TECRL: variants seen among roughly 807,000 people sequenced by gnomAD.
TECRL encodes trans-2,3-enoyl-CoA reductase-like.
A neutral mutation model predicts 52.8 loss-of-function variants in TECRL; 63 were observed. The ratio of observed to expected loss-of-function variants is 1.19; its 90% CI spans 0.97 to 1.47. TECRL has a LOEUF of 1.47. TECRL is among the 40% of genes most tolerant of loss of function. TECRL has a pLI of 0.00. For synonymous variants in TECRL, 164 were observed against 141.9 expected (o/e 1.16, Z -1.10); for missense variants, 482 against 429.6 (o/e 1.12, Z -1.08).
intron 1 of TECRL, among the ~76,000 whole-genome samples, chr4:64,379,669 C>T (rs1722642335): frequency 6.6e-6 from 1 of 152,122 alleles, no homozygotes; most frequent in African/African-American, 2.4e-5. Context: ...ATATTATACT[C>T]TGTACCTTCA....
intron 1 of TECRL, among the ~76,000 whole-genome samples, chr4:64,398,329 C>T (rs761375356): frequency 4.6e-5 from 7 of 152,108 alleles, no homozygotes; most frequent in Non-Finnish European, 8.8e-5. Flanking sequence ...ATCTCCAATA[C>T]TGGAGATGTA....
rs1560492142 is a variant in TECRL, at chr4:64,314,593, GTGTGTGTGTGT to G, written c.551+44_551+54del. On this transcript the variant is annotated intron_variant, in intron 5 of 11. Transcript: ENST00000381210. ...TCATCCCCTCCTTAACGTGTATGGT[GTGTGTGTGTGT>G]GTGTGTGTGTGTGTGTGTGTGTGTG... 0.048 allele frequency: 12,726 copies of G among 264,294 alleles called. 419 individuals carry two copies. The highest frequency in any genetic ancestry group is 0.18 in the South Asian group (4,041 of 21,890). The allele number at this position is 264,294 out of a possible 1,614,324, so 16.4% of individuals were successfully genotyped here.
intron 4 of TECRL, among the ~76,000 whole-genome samples, chr4:64,316,297 T>A (rs1717490252): frequency 6.6e-6 from 1 of 152,100 alleles, no homozygotes; most frequent in African/African-American, 2.4e-5. Flanking sequence ...TAATCTTATC[T>A]CAATCATCTC....
intron 2 of TECRL, among the ~76,000 whole-genome samples, chr4:64,328,871 T>C (rs1001537176): frequency 2.6e-5 from 4 of 152,022 alleles, no homozygotes; most frequent in African/African-American, 4.8e-5. Context: ...CTTCAGTCTA[T>C]GTAAGTTTTT....
In TECRL at chr4:64,279,078, T is replaced by C. The variant is rs1009433933; in HGVS notation, c.*994A>G. 5.3e-5 allele frequency: 8 copies of C among 152,294 alleles called. No individual in the cohort carries two copies. The highest frequency in any genetic ancestry group is 4.6e-4 in the Admixed American group (7 of 15,268). The allele number at this position is 152,294 out of a possible 1,614,324, so 9.4% of individuals were successfully genotyped here. A position where few individuals can be genotyped will look rare whatever the true frequency, so the allele number is the denominator to read the frequency against. On this transcript the variant is annotated 3_prime_UTR_variant, in exon 12 of 12. Transcript: ENST00000381210. Reference sequence around the variant, plus strand: ...TGCTGCAGTAAACATAGGGTTCAAATGTCTCTTTAATATACAGATTTCCTT... The same window carrying C: ...TGCTGCAGTAAACATAGGGTTCAAACGTCTCTTTAATATACAGATTTCCTT...
intron 2 of TECRL, among the ~76,000 whole-genome samples, chr4:64,367,128 A>G (rs1721653042): frequency 6.6e-6 from 1 of 152,160 alleles, no homozygotes; most frequent in African/African-American, 2.4e-5. Flanking sequence ...GTAAATTAAC[A>G]TAGGAACAGA....
At chr4:64,344,250 A>C (rs1044640411) in intron 2 of TECRL, among the ~76,000 whole-genome samples, 4 of 152,028 alleles carry the variant, frequency 2.6e-5, no homozygotes, top group Non-Finnish European at 5.9e-5. Context: ...CTCTATTTAT[A>C]TCTCTATATA....
At chr4:64,297,971 G>A (rs956487685) in intron 8 of TECRL, among the ~76,000 whole-genome samples, 8 of 151,058 alleles carry the variant, frequency 5.3e-5, no homozygotes, top group Non-Finnish European at 1.2e-4. Context: ...AAGAGTCACA[G>A]TGGTCATTCT....
At chr4:64,360,515 T>C (rs1354161284) in intron 2 of TECRL, among the ~76,000 whole-genome samples, 2 of 151,900 alleles carry the variant, frequency 1.3e-5, no homozygotes, top group Non-Finnish European at 2.9e-5. Context: ...TAAAATAAAA[T>C]TGTGGGGAAC....
At chr4:64,365,507 T>G (rs2109633867) in intron 2 of TECRL, among the ~76,000 whole-genome samples, 1 of 152,218 alleles carries the variant, frequency 6.6e-6, no homozygotes, top group South Asian at 2.1e-4. Context: ...CAAAGGCTCC[T>G]AGAATTAATA....
At chr4:64,387,141 G>T (rs1187770440) in intron 1 of TECRL, among the ~76,000 whole-genome samples, 2 of 152,118 alleles carry the variant, frequency 1.3e-5, no homozygotes, top group Non-Finnish European at 2.9e-5. Context: ...TGCCTTCCCA[G>T]AAAGTCATAT....
rs1217351236 is a variant in TECRL, at chr4:64,334,044, A to G, written c.287-5488T>C. 3.2e-4 allele frequency among the ~76,000 whole-genome samples: 38 copies of G among 119,452 alleles called. 8 individuals carry two copies. Among genetic ancestry groups the G allele is most frequent in the African/African-American group, 1.4e-3 (38 of 26,870 alleles). The allele number at this position is 119,452 out of a possible 152,430, so 78.4% of individuals were successfully genotyped here. ...AGACTCCGTCTCAAAAAAAAAAAAA[A>G]AAAAAGAAAAAGAGAGAATGTCCTG... On this transcript the variant is annotated intron_variant, in intron 2 of 11. Transcript: ENST00000381210.
intron 8 of TECRL, among the ~76,000 whole-genome samples, chr4:64,291,294 A>G (rs1233091332): frequency 6.6e-6 from 1 of 152,046 alleles, no homozygotes. Context: ...TCCACAGATT[A>G]TCCTACAGTA....
chr4:64,309,375 T>C (rs1724531683), intron 6 of TECRL, among the ~76,000 whole-genome samples: 2 of 152,188 alleles, frequency 1.3e-5, no homozygotes. Context: ...TGGTAGTTAT[T>C]TGATAGTTCA....
chr4:64,398,093 G>C (rs1423472262), intron 1 of TECRL, among the ~76,000 whole-genome samples: 1 of 151,434 alleles, frequency 6.6e-6, no homozygotes, highest in African/African-American at 2.4e-5. Flanking sequence ...TTTTATAGTA[G>C]TTTGATACAT....
intron 2 of TECRL, among the ~76,000 whole-genome samples, chr4:64,374,459 G>A (rs375460753): frequency 3.3e-5 from 5 of 150,808 alleles, no homozygotes; most frequent in Non-Finnish European, 5.9e-5. Flanking sequence ...TGTGCACAAT[G>A]TGCAGGTTTG....
chr4:64,398,257 A>C (rs1724101759), intron 1 of TECRL, among the ~76,000 whole-genome samples: 1 of 152,070 alleles, frequency 6.6e-6, no homozygotes, highest in African/African-American at 2.4e-5. Context: ...TAATGAGAAA[A>C]CTCATATCAT....
intron 1 of TECRL, among the ~76,000 whole-genome samples, chr4:64,404,009 G>GT (rs1724543840): frequency 6.6e-6 from 1 of 151,974 alleles, no homozygotes; most frequent in Admixed American, 6.6e-5. Context: ...CATGTACAAG[G>GT]TAAAGTATTA....
At chr4:64,392,067 A>G (rs1251942596) in intron 1 of TECRL, among the ~76,000 whole-genome samples, 3 of 151,928 alleles carry the variant, frequency 2.0e-5, no homozygotes, top group Non-Finnish European at 2.9e-5. Flanking sequence ...TAACTGGTGT[A>G]TCTGCCCTGC....
Sources: allele counts gnomAD v4.1 joint callset (sites outside exome capture counted in the v4.1 genomes callset), GRCh38; gene constraint gnomAD v4.1.1; transcripts MANE v1.5; gene names NCBI Gene and HGNC (gene_info 2026-07-23, HGNC 2026-07-21).